The following CLSTN2 variants were observed in gnomAD, a reference collection of about 807,000 sequenced individuals.
The protein encoded by CLSTN2 is calsyntenin-2.
Under a neutral mutation model 101.2 loss-of-function variants are expected in CLSTN2, and 48 were observed. The observed-to-expected ratio is 0.47, with a 90% CI of 0.38 to 0.60. CLSTN2 has a LOEUF of 0.60. Among genes scored for constraint, CLSTN2 ranks in the 20% least tolerant of loss-of-function variants. CLSTN2 has a pLI of 0.00. For missense variants in CLSTN2, 1,160 were observed against 1,238.2 expected (o/e 0.94, Z 0.95); for synonymous variants, 481 against 463.6 (o/e 1.04, Z -0.48).
At chr3:140,087,358 G>A (rs1404307642) in intron 1 of CLSTN2, among the ~76,000 whole-genome samples, 4 of 152,172 alleles carry the variant, frequency 2.6e-5, no homozygotes, top group African/African-American at 9.7e-5. Flanking sequence ...TTAAACATAT[G>A]AATTGTAGCC....
intron 8 of CLSTN2, among the ~76,000 whole-genome samples, chr3:140,470,334 G>A (rs902509039): frequency 3.9e-5 from 6 of 152,238 alleles, no homozygotes; most frequent in African/African-American, 1.4e-4. Flanking sequence ...GGTGGGCTGG[G>A]GCCGGATCAG....
intron 1 of CLSTN2, among the ~76,000 whole-genome samples, chr3:139,946,863 T>G (rs73867231): frequency 0.036 from 5,536 of 152,310 alleles, 314 homozygotes; most frequent in African/African-American, 0.12. Context: ...GAGATAACTA[T>G]GCACCCAGAG....
intron 8 of CLSTN2, among the ~76,000 whole-genome samples, chr3:140,495,357 T>C (rs1201996859): frequency 6.6e-6 from 1 of 152,244 alleles, no homozygotes; most frequent in Non-Finnish European, 1.5e-5. Flanking sequence ...AGGCTCTGGG[T>C]ATTAGACCCT....
intron 1 of CLSTN2, among the ~76,000 whole-genome samples, chr3:140,166,121 G>T (rs879776276): frequency 6.6e-6 from 1 of 152,216 alleles, no homozygotes; most frequent in Non-Finnish European, 1.5e-5. Flanking sequence ...AACTTTGAGT[G>T]CTGATTGCAT....
rs183455234 is a variant in CLSTN2, at chr3:140,421,146, A to G, written c.659A>G (p.Lys220Arg). The change falls in exon 5 of 17, where the codon AAG (lysine) becomes AGG (arginine). Residue 220 changes from lysine to arginine, a missense_variant. Coordinates refer to ENST00000458420, the MANE Select transcript of CLSTN2 (RefSeq NM_022131.3). Reference protein sequence around the residue: ...DRNGNIRNTEKLSYDKQHQYE... With the variant: ...DRNGNIRNTERLSYDKQHQYE... ...TCAGGCAACATCAGGAACACTGAGAAGCTGAGCTATGACAAACAACACCAG... is the reference window on the plus strand; with the variant it reads ...TCAGGCAACATCAGGAACACTGAGAGGCTGAGCTATGACAAACAACACCAG... The G allele has an allele frequency of 7.4e-6, 12 of 1,614,100 alleles. No individual in the cohort carries two copies. The Admixed American group carries it at 1.8e-4, about 25-fold the overall frequency.
At chr3:140,438,668 TA>T (rs563910899) in intron 5 of CLSTN2, among the ~76,000 whole-genome samples, 3 of 151,846 alleles carry the variant, frequency 2.0e-5, no homozygotes, top group Non-Finnish European at 4.4e-5. Flanking sequence ...GTCAAGAGAT[TA>T]AAAAAAATTG....
chr3:140,142,779 C>A (rs1344942721), intron 1 of CLSTN2, among the ~76,000 whole-genome samples: 1 of 152,182 alleles, frequency 6.6e-6, no homozygotes, highest in Non-Finnish European at 1.5e-5. Flanking sequence ...CCATTGTGAT[C>A]TAAAGTGATA....
At chr3:140,533,444 T>G (rs2107780025) in intron 9 of CLSTN2, among the ~76,000 whole-genome samples, 1 of 152,248 alleles carries the variant, frequency 6.6e-6, no homozygotes, top group Non-Finnish European at 1.5e-5. Context: ...GCACAGTGGC[T>G]CACGCCTGTA....
At chr3:139,979,095 G>C (rs1341231302) in intron 1 of CLSTN2, among the ~76,000 whole-genome samples, 1 of 152,138 alleles carries the variant, frequency 6.6e-6, no homozygotes, top group East Asian at 1.9e-4. Flanking sequence ...GAGGTGGAAG[G>C]CCTAGAGAAC....
intron 2 of CLSTN2, among the ~76,000 whole-genome samples, chr3:140,268,873 A>C (rs56159033): frequency 0.035 from 5,289 of 152,290 alleles, 193 homozygotes; most frequent in African/African-American, 0.087. Context: ...TAGAAACTAT[A>C]AGGCACCTAC....
Position 140,328,172 on chromosome 3 carries a change from T to A in CLSTN2, c.233-75457T>A, listed in dbSNP as rs1036958032. On this transcript the variant is annotated intron_variant, in intron 2 of 16. Transcript: ENST00000458420. ...GGAAGTTATGGGAGCTGGACTCTGC[T>A]CCCAACCAAACCAGGGCAGACAGAC... is the stretch of plus-strand genomic sequence containing the variant. Among the ~76,000 whole-genome samples, 5 of 152,240 alleles carry A rather than the reference T, an allele frequency of 3.3e-5. No homozygotes were observed. In the East Asian group the frequency reaches 9.6e-4, roughly 29 times the overall value.
chr3:140,236,515 T>G (rs921646900), intron 2 of CLSTN2, among the ~76,000 whole-genome samples: 4 of 152,230 alleles, frequency 2.6e-5, no homozygotes, highest in African/African-American at 9.6e-5. Flanking sequence ...CTCATGGTTT[T>G]CATCAAATTT....
intron 4 of CLSTN2, among the ~76,000 whole-genome samples, chr3:140,417,750 AG>A (rs1430692391): frequency 6.6e-6 from 1 of 152,254 alleles, no homozygotes; most frequent in Non-Finnish European, 1.5e-5. Context: ...GAAGCAAAAC[AG>A]GTGACTTTTC....
At chr3:140,187,064 C>G (rs1009165472) in intron 2 of CLSTN2, among the ~76,000 whole-genome samples, 1 of 152,166 alleles carries the variant, frequency 6.6e-6, no homozygotes, top group Non-Finnish European at 1.5e-5. Flanking sequence ...GCCCTTGGCC[C>G]TTTCCTTTTT....
chr3:140,412,147 C>T (rs1842277), intron 4 of CLSTN2, among the ~76,000 whole-genome samples: 1 of 152,172 alleles, frequency 6.6e-6, no homozygotes, highest in Non-Finnish European at 1.5e-5. Context: ...TCCCGAGTAG[C>T]TGGGATTAAC....
At chr3:140,143,095 C>T (rs2009728185) in intron 1 of CLSTN2, among the ~76,000 whole-genome samples, 2 of 152,182 alleles carry the variant, frequency 1.3e-5, no homozygotes, top group African/African-American at 2.4e-5. Flanking sequence ...AATGTGTCTG[C>T]AGCATCTAAC....
chr3:140,037,550 T>G (rs150232641), intron 1 of CLSTN2, among the ~76,000 whole-genome samples: 1 of 152,152 alleles, frequency 6.6e-6, no homozygotes, highest in Non-Finnish European at 1.5e-5. Context: ...TCGTCTTTTT[T>G]TTTTTCATTC....
At chr3:140,537,115 T>G (rs529708426) in intron 9 of CLSTN2, among the ~76,000 whole-genome samples, 2 of 152,364 alleles carry the variant, frequency 1.3e-5, no homozygotes, top group Admixed American at 1.3e-4. Flanking sequence ...TTTAATTGCC[T>G]TTGGGCTTGC....
chr3:140,553,515 C>T (rs1935745440), intron 10 of CLSTN2, among the ~76,000 whole-genome samples: 2 of 152,166 alleles, frequency 1.3e-5, no homozygotes, highest in African/African-American at 4.8e-5. Context: ...AAGTGAGAAT[C>T]AGGCCTGGGA....
Sources: gnomAD v4.1 joint callset for allele counts (sites outside exome capture counted in the v4.1 genomes callset) on GRCh38, gnomAD v4.1.1 for gene constraint, MANE v1.5 for transcripts, NCBI Gene and HGNC (gene_info 2026-07-23, HGNC 2026-07-21) for gene names.